Variants in ZNF565 observed in about 807,000 individuals in gnomAD.
ZNF565 encodes zinc finger protein 565.
In ZNF565, 27 loss-of-function variants were observed where a neutral mutation model predicts 39.4. That is an observed-to-expected ratio of 0.69 (90% confidence interval 0.51 to 0.95). The LOEUF is 0.95. Ranked by LOEUF, ZNF565 falls within the 40% of genes least tolerant of loss-of-function variation. The pLI is 0.00. For synonymous variants in ZNF565, 185 were observed against 216.6 expected (o/e 0.85, Z 1.28); for missense variants, 524 against 621.1 (o/e 0.84, Z 1.66).
At chr19:36,211,162 G>A (rs1410139989) in intron 1 of ZNF565, among the ~76,000 whole-genome samples, 1 of 152,076 alleles carries the variant, frequency 6.6e-6, no homozygotes, top group Non-Finnish European at 1.5e-5. Context: ...AATTAATAAG[G>A]CCAGGCGAGG....
At chr19:36,222,977 T>G (rs1976917067) in intron 1 of ZNF565, among the ~76,000 whole-genome samples, 1 of 152,066 alleles carries the variant, frequency 6.6e-6, no homozygotes, top group East Asian at 1.9e-4. Flanking sequence ...ACCAAAGACC[T>G]TTTTATTCAT....
At position 36,245,678 on chromosome 19, in the gene ZNF565, AG is replaced by A. The variant is rs2029893486; in HGVS notation, c.-149del. On this transcript the variant is annotated 5_prime_UTR_variant, in exon 1 of 5. Transcript: ENST00000355114. The surrounding 1 kb of genome is among the most constrained non-coding windows in gnomAD (Gnocchi z 4.4). ...CTCTGGTGCCCGGGTGAATGGGTTCAGGGTCTCTTAAGGACCCTCCGTTGAC... is the reference window on the plus strand; with the variant it reads ...CTCTGGTGCCCGGGTGAATGGGTTCAGGTCTCTTAAGGACCCTCCGTTGAC... 1.5e-6 allele frequency: 1 copy of A among 658,858 alleles called. No individual in the cohort carries two copies. 40.8% of individuals were successfully genotyped at this position (658,858 alleles called of 1,614,324 possible).
intron 1 of ZNF565, among the ~76,000 whole-genome samples, chr19:36,241,864 T>A (rs1447655036): frequency 1.3e-5 from 2 of 149,090 alleles, no homozygotes; most frequent in Admixed American, 1.3e-4. Flanking sequence ...TATACAAAAC[T>A]TAACTCAAAA....
At chr19:36,221,490 A>G (rs996559341) in intron 1 of ZNF565, among the ~76,000 whole-genome samples, 2 of 151,822 alleles carry the variant, frequency 1.3e-5, no homozygotes, top group African/African-American at 2.4e-5. Flanking sequence ...AGGTTTCACC[A>G]TGTTAGCCAG....
intron 1 of ZNF565, among the ~76,000 whole-genome samples, chr19:36,206,917 G>A (rs73931508): frequency 0.027 from 4,053 of 152,230 alleles, 190 homozygotes; most frequent in African/African-American, 0.09. Flanking sequence ...GGGAGAGGGA[G>A]TTTTGGAGGA....
chr19:36,229,666 C>A lies in ZNF565; in HGVS notation c.55+15810G>T, dbSNP rs147748160. On this transcript the variant is annotated intron_variant, in intron 1 of 4. Coordinates refer to the ZNF565 transcript ENST00000355114. ...TATAAATGGTGGTATATTATATATT[C>A]TATTATGTACATAAGTTTTTTTCTT... Among the ~76,000 whole-genome samples the A allele has an allele frequency of 4.3e-3, 650 of 152,250 alleles. 10 individuals carry two copies. Among genetic ancestry groups the A allele is most frequent in the Admixed American group, 0.026 (394 of 15,286 alleles).
intron 2 of ZNF565, among the ~76,000 whole-genome samples, chr19:36,200,691 G>A (rs976359184): frequency 6.6e-6 from 1 of 151,326 alleles, no homozygotes; most frequent in Non-Finnish European, 1.5e-5. Flanking sequence ...GTTTCACCAT[G>A]TTGGCCAGGA....
At chr19:36,208,248 C>G (rs1454679352) in intron 1 of ZNF565, among the ~76,000 whole-genome samples, 1 of 147,302 alleles carries the variant, frequency 6.8e-6, no homozygotes, top group African/African-American at 2.5e-5. Flanking sequence ...GGATCTCACT[C>G]TCACCCAGGC....
intron 3 of ZNF565, 169 bp from the exon 4 acceptor site, chr19:36,194,497 A>T (rs1975687373): frequency 1.9e-6 from 1 of 537,742 alleles, no homozygotes; most frequent in East Asian, 3.0e-5. Context: ...CACAAAGCAC[A>T]AAACAATTTT....
chr19:36,217,235 G>C (rs1159021188), upstream of ZNF565, among the ~76,000 whole-genome samples: 2 of 151,016 alleles, frequency 1.3e-5, no homozygotes, highest in Non-Finnish European at 2.9e-5. Flanking sequence ...TACTTTTTTT[G>C]TATTTTTAGT....
At chr19:36,239,268 CCT>C (rs1305219395) in intron 1 of ZNF565, among the ~76,000 whole-genome samples, 2 of 151,828 alleles carry the variant, frequency 1.3e-5, no homozygotes, top group African/African-American at 2.4e-5. Context: ...TGTCAGTTTT[CCT>C]CTCCTGCATA....
intron 1 of ZNF565, among the ~76,000 whole-genome samples, chr19:36,222,872 T>TA (rs1306283386): frequency 1.4e-5 from 2 of 142,304 alleles, no homozygotes; most frequent in Non-Finnish European, 3.2e-5. Flanking sequence ...TAAGAGGTTT[T>TA]GTTTTAATTT....
At chr19:36,225,984 G>C (rs868669453) in intron 1 of ZNF565, among the ~76,000 whole-genome samples, 1 of 151,838 alleles carries the variant, frequency 6.6e-6, no homozygotes, top group African/African-American at 2.4e-5. Context: ...GCCTAGGCTG[G>C]TCTTGAACTT....
intron 4 of ZNF565, 114 bp from the exon 5 acceptor site, chr19:36,183,847 G>A: frequency 2.2e-6 from 2 of 907,906 alleles, no homozygotes; most frequent in South Asian, 1.7e-5. Context: ...AGCACTTTGG[G>A]AGGCTGAGGC....
intron 2 of ZNF565, among the ~76,000 whole-genome samples, chr19:36,198,632 C>T (rs952993705): frequency 1.3e-4 from 20 of 151,178 alleles, no homozygotes; most frequent in Non-Finnish European, 4.4e-5. Context: ...TGGAGTTTTG[C>T]TTTGTCATCC....
chr19:36,218,843 T>C (rs189288303), upstream of ZNF565, among the ~76,000 whole-genome samples: 153 of 132,744 alleles, frequency 1.2e-3, no homozygotes, highest in Admixed American at 2.3e-3. Flanking sequence ...GAGTCTCGGT[T>C]TGTCGCCCAG....
At chr19:36,211,487 A>ACACACACAC (rs547315562) in intron 1 of ZNF565, among the ~76,000 whole-genome samples, 2 of 143,866 alleles carry the variant, frequency 1.4e-5, no homozygotes, top group East Asian at 2.1e-4. Flanking sequence ...ACACACACAC[A>ACACACACAC]ATTCTAATTA....
chr19:36,222,755 G>A (rs1976901441), intron 1 of ZNF565, among the ~76,000 whole-genome samples: 1 of 135,250 alleles, frequency 7.4e-6, no homozygotes, highest in Non-Finnish European at 1.6e-5. Context: ...AGAAAGGTTA[G>A]CCCTGTATGA....
In ZNF565 at chr19:36,195,810, C is replaced by G. The variant is rs532745172; in HGVS notation, c.10-654G>C. ...CTGCACGCCTCAGCCTCCCAAAGTG[C>G]TGGGATTACATGCGTGAGCCCCGTG... On this transcript the variant is annotated intron_variant, in intron 2 of 4. Transcript: ENST00000304116. Among the ~76,000 whole-genome samples, 3 of 148,214 alleles carry G rather than the reference C, an allele frequency of 2.0e-5. No individual in the cohort carries two copies. In the East Asian group the frequency reaches 6.1e-4, roughly 30 times the overall value.
Sources: gnomAD v4.1 joint callset for allele counts (sites outside exome capture counted in the v4.1 genomes callset) on GRCh38, gnomAD v4.1.1 for gene constraint, Gnocchi (gnomAD v3.1) non-coding constraint, MANE v1.5 for transcripts, NCBI Gene and HGNC (gene_info 2026-07-23, HGNC 2026-07-21) for gene names.